Variants in SNRPA1 observed in about 807,000 individuals in gnomAD.
The protein encoded by SNRPA1 is small nuclear ribonucleoprotein polypeptide A', also known as U2 small nuclear ribonucleoprotein A'.
In SNRPA1, 5 loss-of-function variants were observed where a neutral mutation model predicts 32.3. The ratio of observed to expected loss-of-function variants is 0.15; its 90% CI spans 0.08 to 0.33. The LOEUF (loss-of-function observed/expected upper bound fraction) is 0.33, where lower values mean the gene tolerates loss of function less well. SNRPA1 is among the 10% of genes least tolerant of loss of function. The pLI, the probability that SNRPA1 is intolerant of heterozygous loss-of-function variation, is 1.00. For missense variants in SNRPA1, 198 were observed against 311.1 expected, an observed-to-expected ratio of 0.64 and a Z score of 2.74; for synonymous variants, 111 against 120.1, an observed-to-expected ratio of 0.92 and a Z score of 0.50.
intron 3 of SNRPA1, chr15:101,288,046 T>G (rs368503528): frequency 5.1e-5 from 12 of 236,718 alleles, no homozygotes; most frequent in South Asian, 1.8e-4. Context: ...CACTGGGAAC[T>G]GCAAGCCAGA....
Position 101,286,968 on chromosome 15 carries a change from C to A in SNRPA1, c.399G>T (p.Leu133Phe). 1 of 1,608,316 alleles carries A rather than the reference C, an allele frequency of 6.2e-7. No individual in the cohort carries two copies. Among genetic ancestry groups the A allele is most frequent in the East Asian group, 2.2e-5 (1 of 44,796 alleles). The change falls in exon 5 of 9, where the codon TTG becomes TTT. Residue 133 changes from leucine to phenylalanine, a missense_variant. Leu to Phe is a conservative substitution (Grantham distance 22). Transcript: ENST00000254193. ...NPVTNKKHYRLYVIYKVPQVR... is the reference protein window; with the variant it reads ...NPVTNKKHYRFYVIYKVPQVR... Reference sequence around the variant, plus strand: ...CTTGCGGAACTTTATAAATCACATACAATCTGTAATGCTTCTTATTGGTTA... The same window carrying A: ...CTTGCGGAACTTTATAAATCACATAAAATCTGTAATGCTTCTTATTGGTTA...
Position 101,287,539 on chromosome 15 carries a change from A to T in SNRPA1, c.356+117T>A, listed in dbSNP as rs1199617550. The T allele has an allele frequency of 1.0e-4, 81 of 793,048 alleles. No individual in the cohort carries two copies. In the East Asian group the frequency reaches 2.1e-3, roughly 21 times the overall value. 49.1% of individuals were successfully genotyped at this position (793,048 alleles called of 1,614,324 possible). A position where few individuals can be genotyped will look rare whatever the true frequency, so the allele number is the denominator to read the frequency against. On this transcript the variant is annotated intron_variant, in intron 4 of 8. Coordinates refer to ENST00000254193, the MANE Select transcript of SNRPA1 (RefSeq NM_003090.4). ...TCATCCTTTTTTATGGCTGCATAGT[A>T]TTCCATGGTGCATATGTGCCACATT...
intron 7 of SNRPA1, among the ~76,000 whole-genome samples, chr15:101,285,496 C>G (rs971130696): frequency 6.6e-6 from 1 of 152,140 alleles, no homozygotes; most frequent in African/African-American, 2.4e-5. Context: ...GATAAATGCA[C>G]CTTGGAAAAT....
At chr15:101,295,059 G>A in intron 1 of SNRPA1, 38 bp downstream of exon 1, 3 of 1,331,434 alleles carry the variant, frequency 2.3e-6, no homozygotes, top group Admixed American at 3.1e-5. Flanking sequence ...GCGGCTCGGT[G>A]CCGCCTGGGG....
At chr15:101,284,904 G>C (rs771943192) in intron 8 of SNRPA1, 63 bp downstream of exon 8, 1 of 1,206,308 alleles carries the variant, frequency 8.3e-7, no homozygotes, top group Non-Finnish European at 1.2e-6. Flanking sequence ...GCATCTAAAT[G>C]GTTGTGAGTT....
chr15:101,288,683 G>C (rs1437671960), intron 3 of SNRPA1, among the ~76,000 whole-genome samples: 2 of 152,226 alleles, frequency 1.3e-5, no homozygotes, highest in Non-Finnish European at 2.9e-5. Context: ...CTCTAAAATA[G>C]GAACAAGTAG....
At chr15:101,284,202 C>T (rs183764688) in intron 8 of SNRPA1, among the ~76,000 whole-genome samples, 127 of 152,366 alleles carry the variant, frequency 8.3e-4, no homozygotes, top group African/African-American at 2.9e-3. Context: ...TTCAGTCTCT[C>T]AGCCTCTCGG....
At chr15:101,286,446 GTC>G (rs2039455501) in intron 5 of SNRPA1, 153 bp from the exon 6 acceptor site, 2 of 589,856 alleles carry the variant, frequency 3.4e-6, no homozygotes, top group East Asian at 6.0e-5. Flanking sequence ...AGACACAGTG[GTC>G]TTCTTTCTTT....
intron 3 of SNRPA1, among the ~76,000 whole-genome samples, chr15:101,290,648 T>G (rs2141312546): frequency 6.6e-6 from 1 of 151,730 alleles, no homozygotes; most frequent in East Asian, 1.9e-4. Flanking sequence ...CATGTCTCAC[T>G]GCAGCCTCGA....
At position 101,284,979 on chromosome 15, in the gene SNRPA1, C is replaced by T. The variant is rs1258736102; in HGVS notation, c.697G>A (p.Glu233Lys). 1 of 1,613,122 alleles carries T rather than the reference C, an allele frequency of 6.2e-7. No homozygotes were observed. The highest frequency in any genetic ancestry group is 8.5e-7 in the Non-Finnish European group (1 of 1,179,222). ...LLQSGQIPGR[E>K]RRSGPTDDGE... ...ACCATTTGTTCACCTGATCTGCGTT[C>T]TCTGCCAGGGATCTGACCAGACTGC... Residue 233 changes from glutamate to lysine, a missense_variant, in exon 8 of 9, where the codon GAA (glutamate) becomes AAA (lysine). Glu to Lys is a moderately conservative substitution (Grantham distance 56). Coordinates refer to ENST00000254193, the MANE Select transcript of SNRPA1 (RefSeq NM_003090.4).
chr15:101,294,555 C>T (rs2039565661), intron 1 of SNRPA1, among the ~76,000 whole-genome samples: 1 of 152,182 alleles, frequency 6.6e-6, no homozygotes, highest in Non-Finnish European at 1.5e-5. Flanking sequence ...TGACACAGTT[C>T]AATTTTTAAA....
At chr15:101,286,393 C>T in intron 5 of SNRPA1, 100 bp from the exon 6 acceptor site, 1 of 1,020,288 alleles carries the variant, frequency 9.8e-7, no homozygotes, top group Non-Finnish European at 1.4e-6. Context: ...CTACAGTACT[C>T]CGGGCTGGTG....
Position 101,292,300 on chromosome 15 carries a change from C to T in SNRPA1, c.231-260G>A, listed in dbSNP as rs75219693. 3.1e-3 allele frequency among the ~76,000 whole-genome samples: 468 copies of T among 152,272 alleles called. 2 individuals carry two copies. The highest frequency in any genetic ancestry group is 0.011 in the African/African-American group (440 of 41,546). ...GAGAAAAGGTGCAACTCCTGGGTGG[C>T]ACAAACTACTTAACTCACTTCATGA... On this transcript the variant is annotated intron_variant, in intron 2 of 8. Coordinates refer to ENST00000254193, the MANE Select transcript of SNRPA1 (RefSeq NM_003090.4).
At chr15:101,282,667 T>C (rs1203770737) in intron 8 of SNRPA1, among the ~76,000 whole-genome samples, 1 of 148,930 alleles carries the variant, frequency 6.7e-6, no homozygotes, top group Non-Finnish European at 1.5e-5. Context: ...TTTGGAAAAC[T>C]GTGGTTCACC....
rs768320016 is a variant in SNRPA1, at chr15:101,289,925, C to CAAAAAAAAAAAAAAAAAAAAAAAAAA, written c.309+2036_309+2037insTTTTTTTTTTTTTTTTTTTTTTTTTT. 34 of 69,994 alleles carry CAAAAAAAAAAAAAAAAAAAAAAAAAA rather than the reference C, an allele frequency of 4.9e-4. 2 individuals are homozygous for CAAAAAAAAAAAAAAAAAAAAAAAAAA. The highest frequency in any genetic ancestry group is 1.0e-3 in the African/African-American group (16 of 15,718). 4.3% of individuals were successfully genotyped at this position (69,994 alleles called of 1,614,324 possible). On this transcript the variant is annotated intron_variant, in intron 3 of 8. Transcript: ENST00000254193. The stretch of plus-strand genomic sequence containing the variant: ...CCACTGCACTCCAGCCACTCCATCT[C>CAAAAAAAAAAAAAAAAAAAAAAAAAA]AAAAAAAAAAAAAAAAAATTCAACC...
At chr15:101,289,378 A>G (rs1194858804) in intron 3 of SNRPA1, among the ~76,000 whole-genome samples, 1 of 152,208 alleles carries the variant, frequency 6.6e-6, no homozygotes, top group African/African-American at 2.4e-5. Context: ...AAACTTTTAT[A>G]AATATGTGTG....
rs117675884 is a variant in SNRPA1 at position 101,282,025 on chromosome 15, C to T, written c.710-243G>A. Among the ~76,000 whole-genome samples the T allele has an allele frequency of 3.5e-3, 534 of 152,328 alleles. 4 individuals carry two copies. The highest frequency in any genetic ancestry group is 5.3e-3 in the Non-Finnish European group (362 of 68,032). On this transcript the variant is annotated intron_variant, in intron 8 of 8. Transcript: ENST00000254193. ...CACAAAGATTTCAAAATTGTTGCCT[C>T]CCATTGTAGTTGATAATAATTCATT...
At chr15:101,290,520 T>C (rs534234369) in intron 3 of SNRPA1, among the ~76,000 whole-genome samples, 1 of 152,064 alleles carries the variant, frequency 6.6e-6, no homozygotes, top group African/African-American at 2.4e-5. Flanking sequence ...CAGTTCATTC[T>C]CAACAATCAG....
intron 1 of SNRPA1, 161 bp downstream of exon 1, chr15:101,294,936 C>T: frequency 2.1e-6 from 1 of 483,510 alleles, no homozygotes; most frequent in Non-Finnish European, 3.6e-6. Context: ...CATCTGGCAA[C>T]AACGGCAAGA....
Sources: allele counts gnomAD v4.1 joint callset (sites outside exome capture counted in the v4.1 genomes callset), GRCh38; gene constraint gnomAD v4.1.1; transcripts MANE v1.5; gene names NCBI Gene and HGNC (gene_info 2026-07-23, HGNC 2026-07-21).